The following PHTF1 variants were observed in gnomAD, a reference collection of about 807,000 sequenced individuals.
PHTF1 encodes the protein protein PHTF1.
Under a neutral mutation model 102.4 loss-of-function variants are expected in PHTF1, and 88 were observed. That is an observed-to-expected ratio of 0.86 (90% CI 0.72 to 1.03). The LOEUF (loss-of-function observed/expected upper bound fraction) is 1.03, where lower values mean the gene tolerates loss of function less well. Ranked by LOEUF, PHTF1 falls within the 50% of genes least tolerant of loss-of-function variation. The pLI, the probability that PHTF1 is intolerant of heterozygous loss-of-function variation, is 0.00. For synonymous variants in PHTF1, 289 were observed against 305.2 expected (o/e 0.95, Z 0.55); for missense variants, 814 against 909.5 (o/e 0.89, Z 1.35).
At chr1:113,738,452 A>C (rs1269196188) in intron 4 of PHTF1, among the ~76,000 whole-genome samples, 184 bp from the exon 5 acceptor site, 1 of 152,196 alleles carries the variant, frequency 6.6e-6, no homozygotes, top group Non-Finnish European at 1.5e-5. Context: ...CTAGGACAGA[A>C]GCTCAAAATA....
intron 3 of PHTF1, among the ~76,000 whole-genome samples, chr1:113,755,131 TATG>T (rs1027496425): frequency 2.6e-5 from 4 of 151,982 alleles, no homozygotes; most frequent in African/African-American, 7.2e-5. Flanking sequence ...AGTACTGTGA[TATG>T]ATGTTAATAT....
chr1:113,749,609 G>GTAAC (rs1377358674), intron 3 of PHTF1: 1 of 152,166 alleles, frequency 6.6e-6, no homozygotes, highest in Non-Finnish European at 1.5e-5. Flanking sequence ...GAAGATAAGG[G>GTAAC]TAACTATGTG....
chr1:113,743,623 A>C (rs1363827096), intron 3 of PHTF1, among the ~76,000 whole-genome samples: 1 of 152,136 alleles, frequency 6.6e-6, no homozygotes, highest in Non-Finnish European at 1.5e-5. Context: ...CTGACAGTGC[A>C]TTTGGTTTGT....
chr1:113,738,307 A>T (rs941714669), intron 4 of PHTF1, 39 bp from the exon 5 acceptor site: 1 of 1,556,708 alleles, frequency 6.4e-7, no homozygotes, highest in African/African-American at 1.4e-5. Flanking sequence ...AAACATTTAT[A>T]TACACTGTAT....
At chr1:113,741,693 G>A (rs1199712368) in intron 3 of PHTF1, among the ~76,000 whole-genome samples, 4 of 151,966 alleles carry the variant, frequency 2.6e-5, no homozygotes, top group Non-Finnish European at 5.9e-5. Context: ...ACAAATATTC[G>A]ACAAGTATCT....
chr1:113,737,513 G>A (rs4839000), intron 5 of PHTF1, among the ~76,000 whole-genome samples: 1 of 152,038 alleles, frequency 6.6e-6, no homozygotes, highest in East Asian at 1.9e-4. Context: ...AGAACCTAGG[G>A]TGCAAACTTT....
At chr1:113,734,025 CA>C (rs1245848583) in intron 5 of PHTF1, among the ~76,000 whole-genome samples, 1 of 152,064 alleles carries the variant, frequency 6.6e-6, no homozygotes, top group African/African-American at 2.4e-5. Flanking sequence ...TTTGGGAGGC[CA>C]AGGCGGGTGG....
chr1:113,742,082 T>C (rs2101627216), intron 3 of PHTF1, among the ~76,000 whole-genome samples: 1 of 152,346 alleles, frequency 6.6e-6, no homozygotes, highest in East Asian at 1.9e-4. Context: ...CATATAGTCA[T>C]GCATCACTTA....
chr1:113,706,738 T>A lies in PHTF1; in HGVS notation c.1270-16A>T. 1 of 1,582,404 alleles carries A rather than the reference T, an allele frequency of 6.3e-7. No homozygotes were observed. The highest frequency in any genetic ancestry group is 8.6e-7 in the Non-Finnish European group (1 of 1,163,614). The stretch of plus-strand genomic sequence containing the variant: ...ATAAATGATTCTGAGAAGAAAAATA[T>A]AAAATTGTTTCTATCCATGCCCTCT... On this transcript the variant is annotated splice_polypyrimidine_tract_variant and intron_variant, in intron 11 of 18. Transcript: ENST00000369604.
chr1:113,727,704 C>A (rs4838998), intron 5 of PHTF1, among the ~76,000 whole-genome samples: 113,524 of 152,046 alleles, frequency 0.75, 42,987 homozygotes, highest in African/African-American at 0.83. Flanking sequence ...TGGTGGCTCA[C>A]ACCTGTAATC....
chr1:113,734,092 T>A (rs1248438748), intron 5 of PHTF1, among the ~76,000 whole-genome samples: 1 of 152,072 alleles, frequency 6.6e-6, no homozygotes, highest in Non-Finnish European at 1.5e-5. Flanking sequence ...AAACCCTATC[T>A]CTACTAAAAA....
rs947533311 is a variant in PHTF1 at position 113,731,903 on chromosome 1, A to T, written c.332-5329T>A. ...CAGAGCAAGACGCCGTCTCAATTTT[A>T]AAAAAAAAAAAAAAAAAAAAGGAAG... On this transcript the variant is annotated intron_variant, in intron 5 of 18. Transcript: ENST00000369604. 2.6e-3 allele frequency among the ~76,000 whole-genome samples: 341 copies of T among 133,584 alleles called. 1 individual carries two copies. The highest frequency in any genetic ancestry group is 8.5e-3 in the African/African-American group (308 of 36,122). 87.6% of individuals were successfully genotyped at this position (133,584 alleles called of 152,430 possible).
rs556498057 is a variant in PHTF1, at chr1:113,712,169, C to T, written c.784-56G>A. Reference sequence around the variant, plus strand: ...GGACAGCCCAAAATATTCTAATAAGCTGCATGTGTAAAAACAAAAAAAAAT... The same window carrying T: ...GGACAGCCCAAAATATTCTAATAAGTTGCATGTGTAAAAACAAAAAAAAAT... On this transcript the variant is annotated intron_variant, in intron 8 of 18. Coordinates refer to ENST00000369604, the MANE Select transcript of PHTF1 (RefSeq NM_001323043.2). 2.6e-4 allele frequency: 363 copies of T among 1,412,860 alleles called. 3 individuals are homozygous for T. Among genetic ancestry groups the T allele is most frequent in the South Asian group, 1.0e-3 (81 of 78,052 alleles). 87.5% of individuals were successfully genotyped at this position (1,412,860 alleles called of 1,614,324 possible).
intron 5 of PHTF1, among the ~76,000 whole-genome samples, chr1:113,731,264 G>A (rs753151609): frequency 7.2e-5 from 11 of 152,198 alleles, no homozygotes; most frequent in Non-Finnish European, 1.5e-4. Context: ...TGGCTCACAC[G>A]TGTAACTCAA....
intron 8 of PHTF1, among the ~76,000 whole-genome samples, 182 bp from the exon 9 acceptor site, chr1:113,712,295 A>G (rs963653845): frequency 1.3e-5 from 2 of 152,210 alleles, no homozygotes; most frequent in Admixed American, 6.5e-5. Context: ...TTGAAACTAA[A>G]TATCCTAAAT....
intron 5 of PHTF1, among the ~76,000 whole-genome samples, chr1:113,733,014 A>G (rs1236390419): frequency 6.7e-6 from 1 of 150,018 alleles, no homozygotes; most frequent in Admixed American, 6.6e-5. Context: ...CTCCCACCTC[A>G]GCCTCATAGG....
intron 1 of PHTF1, 69 bp downstream of exon 1, chr1:113,758,954 G>A: frequency 8.8e-7 from 1 of 1,133,692 alleles, no homozygotes; most frequent in Non-Finnish European, 1.1e-6. Flanking sequence ...GGGTGCGGGG[G>A]AGGGGCAGGG....
In PHTF1 at chr1:113,706,039, T is replaced by C; in HGVS notation, c.1522A>G (p.Ile508Val). The change falls in exon 13 of 19, where the codon ATT becomes GTT. Residue 508 changes from isoleucine (I) to valine (V), a missense_variant. Ile to Val is a conservative substitution (Grantham distance 29). Coordinates refer to ENST00000369604, the MANE Select transcript of PHTF1 (RefSeq NM_001323043.2). Reference sequence around the variant, plus strand: ...AGAGTCAAGATCTCCTCAGCTGAAATGGACTTTAGTTGGTCAAGGCTCTTC... The same window carrying C: ...AGAGTCAAGATCTCCTCAGCTGAAACGGACTTTAGTTGGTCAAGGCTCTTC... ...REKSLDQLKS[I>V]SAEEILTLFC... is the part of the protein sequence containing the mutation. The C allele has an allele frequency of 6.2e-7, 1 of 1,614,182 alleles. No individual in the cohort carries two copies. Among genetic ancestry groups the C allele is most frequent in the Non-Finnish European group, 8.5e-7 (1 of 1,180,018 alleles).
rs768979667 is a variant in PHTF1 at position 113,698,282 on chromosome 1, G to A, written c.2248C>T (p.Leu750Phe). 3.1e-6 allele frequency: 5 copies of A among 1,607,908 alleles called. No individual in the cohort carries two copies. The highest frequency in any genetic ancestry group is 4.3e-6 in the Non-Finnish European group (5 of 1,175,126). ...CTTACTCTTATATTAAATCCTAGAA[G>A]ATCACTTATAACACCTGAGACAGCA... ...LSAVSGVISD[L>F]LGFNIRLWKI... Residue 750 changes from leucine to phenylalanine, a missense_variant, in exon 18 of 19, where the codon CTT (leucine) becomes TTT (phenylalanine). By Grantham distance (22) the Leu-to-Phe change is conservative (BLOSUM62 0). Transcript: ENST00000369604.
Sources: allele counts gnomAD v4.1 joint callset (sites outside exome capture counted in the v4.1 genomes callset), GRCh38; gene constraint gnomAD v4.1.1; transcripts MANE v1.5; gene names NCBI Gene and HGNC (gene_info 2026-07-23, HGNC 2026-07-21).